Variants in AGBL4 observed in about 807,000 individuals in gnomAD.
AGBL4 encodes the protein AGBL carboxypeptidase 4.
AGBL4 carries 58 observed loss-of-function variants against 66.4 expected under a neutral mutation model. The ratio of observed to expected loss-of-function variants is 0.87; its 90% CI spans 0.71 to 1.09. The LOEUF is 1.09. Ranked by LOEUF, AGBL4 falls within the 50% of genes least tolerant of loss-of-function variation. The pLI, the probability that AGBL4 is intolerant of heterozygous loss-of-function variation, is 0.00. For synonymous variants in AGBL4, 234 were observed against 222.9 expected (o/e 1.05, Z -0.44); for missense variants, 579 against 631.0 (o/e 0.92, Z 0.88).
At chr1:49,082,315 T>C (rs1354789955) in intron 4 of AGBL4, among the ~76,000 whole-genome samples, 1 of 152,152 alleles carries the variant, frequency 6.6e-6, no homozygotes, top group African/African-American at 2.4e-5. Flanking sequence ...TTGGGGCCAA[T>C]GCTGAGTGTA....
intron 4 of AGBL4, among the ~76,000 whole-genome samples, chr1:49,200,122 T>A (rs1477919564): frequency 1.3e-5 from 2 of 152,138 alleles, no homozygotes; most frequent in South Asian, 4.1e-4. Flanking sequence ...GCAGGCAGGG[T>A]GCCTCCTGCA....
chr1:49,973,813 T>A (rs1459731828), intron 1 of AGBL4, among the ~76,000 whole-genome samples: 1 of 151,328 alleles, frequency 6.6e-6, no homozygotes, highest in African/African-American at 2.4e-5. Context: ...GACAAGGATT[T>A]TTTAGTGATA....
At chr1:48,814,444 T>C (rs1322693390) in intron 6 of AGBL4, among the ~76,000 whole-genome samples, 1 of 152,140 alleles carries the variant, frequency 6.6e-6, no homozygotes, top group Non-Finnish European at 1.5e-5. Flanking sequence ...TCACACTTAT[T>C]TCTTTGTGCT....
intron 4 of AGBL4, among the ~76,000 whole-genome samples, chr1:49,106,595 C>A (rs867613216): frequency 1.3e-5 from 2 of 152,086 alleles, no homozygotes; most frequent in African/African-American, 4.8e-5. Flanking sequence ...AATATCTGAC[C>A]TAAGCAAGGA....
intron 6 of AGBL4, among the ~76,000 whole-genome samples, chr1:48,839,648 A>G (rs938325118): frequency 6.6e-6 from 1 of 152,158 alleles, no homozygotes; most frequent in African/African-American, 2.4e-5. Context: ...GTGATGAATT[A>G]GGAGGTTGGT....
chr1:48,921,109 T>A (rs978499139), intron 5 of AGBL4, among the ~76,000 whole-genome samples: 2 of 152,102 alleles, frequency 1.3e-5, no homozygotes, highest in Non-Finnish European at 1.5e-5. Context: ...CAGGCCCGAG[T>A]CATCAATTTA....
Position 48,654,993 on chromosome 1 carries a change from G to A in AGBL4, c.725-1542C>T, listed in dbSNP as rs1022074549. 3.9e-5 allele frequency among the ~76,000 whole-genome samples: 6 copies of A among 152,180 alleles called. No individual in the cohort carries two copies. In the East Asian group the frequency reaches 5.8e-4, roughly 15 times the overall value. On this transcript the variant is annotated intron_variant, in intron 7 of 13. Coordinates refer to ENST00000371839, the MANE Select transcript of AGBL4 (RefSeq NM_032785.4). ...AGTAATTGACCCCAGCTCCCGGGGC[G>A]GCCCTCCATCAAGGAGCCAGCCTGT...
chr1:49,378,440 G>A (rs1644517952), intron 3 of AGBL4, among the ~76,000 whole-genome samples: 1 of 151,988 alleles, frequency 6.6e-6, no homozygotes, highest in African/African-American at 2.4e-5. Context: ...CACTGTTGAG[G>A]AGATTACACT....
At chr1:49,603,965 CACACACACACA>C (rs1558093678) in intron 3 of AGBL4, among the ~76,000 whole-genome samples, 1 of 150,378 alleles carries the variant, frequency 6.6e-6, no homozygotes, top group African/African-American at 2.4e-5. Context: ...CACACACACA[CACACACACACA>C]CACACCACAT....
intron 3 of AGBL4, among the ~76,000 whole-genome samples, chr1:49,585,753 A>G (rs878931891): frequency 1.3e-4 from 20 of 152,232 alleles, no homozygotes; most frequent in Admixed American, 1.3e-4. Flanking sequence ...CATTAATTAG[A>G]TAACTAATAC....
At chr1:49,656,125 C>T (rs1394018513) in intron 3 of AGBL4, among the ~76,000 whole-genome samples, 8 of 149,428 alleles carry the variant, frequency 5.4e-5, no homozygotes, top group East Asian at 2.0e-4. Context: ...CCAGCCTGGG[C>T]GACAGAGTGA....
chr1:49,382,233 A>C (rs1557887868), intron 3 of AGBL4, among the ~76,000 whole-genome samples: 2 of 152,142 alleles, frequency 1.3e-5, no homozygotes, highest in Non-Finnish European at 2.9e-5. Context: ...GAACAAGATA[A>C]GAAATAGAAA....
intron 5 of AGBL4, among the ~76,000 whole-genome samples, chr1:48,889,579 C>CATTACACTGTGTGTCT (rs1553119763): frequency 2.6e-5 from 4 of 152,186 alleles, no homozygotes; most frequent in Non-Finnish European, 5.9e-5. Flanking sequence ...CGGACTGTCT[C>CATTACACTGTGTGTCT]ATTACACTGT....
chr1:49,651,674 T>C (rs1404796630), intron 3 of AGBL4, among the ~76,000 whole-genome samples: 1 of 151,828 alleles, frequency 6.6e-6, no homozygotes, highest in Non-Finnish European at 1.5e-5. Flanking sequence ...CAAGATACAC[T>C]GCAGTCACAT....
At chr1:49,850,132 T>C (rs1297200468) in intron 2 of AGBL4, among the ~76,000 whole-genome samples, 1 of 152,184 alleles carries the variant, frequency 6.6e-6, no homozygotes, top group Non-Finnish European at 1.5e-5. Context: ...CTAGCATCTT[T>C]ATAGAGGTAA....
intron 11 of AGBL4, among the ~76,000 whole-genome samples, chr1:48,539,966 T>C (rs1175039781): frequency 6.6e-6 from 1 of 152,208 alleles, no homozygotes; most frequent in African/African-American, 2.4e-5. Context: ...TGAAGTAATT[T>C]GCCTAAGGTC....
intron 3 of AGBL4, among the ~76,000 whole-genome samples, chr1:49,609,947 T>C (rs1261219442): frequency 6.6e-6 from 1 of 152,228 alleles, no homozygotes; most frequent in Non-Finnish European, 1.5e-5. Flanking sequence ...TTCAGTTGTT[T>C]TTAGTATTTA....
At chr1:48,716,736 C>T (rs1053550153) in intron 6 of AGBL4, among the ~76,000 whole-genome samples, 2 of 152,106 alleles carry the variant, frequency 1.3e-5, no homozygotes, top group Non-Finnish European at 2.9e-5. Context: ...GGGTCAGTCC[C>T]GGGTCAGTGG....
At chr1:49,961,649 T>C (rs1211097158) in intron 1 of AGBL4, among the ~76,000 whole-genome samples, 2 of 152,148 alleles carry the variant, frequency 1.3e-5, no homozygotes, top group African/African-American at 4.8e-5. Context: ...TTGAATAGTT[T>C]AGTAAAGATA....
Sources: allele counts gnomAD v4.1 joint callset (sites outside exome capture counted in the v4.1 genomes callset), GRCh38; gene constraint gnomAD v4.1.1; transcripts MANE v1.5; gene names NCBI Gene and HGNC (gene_info 2026-07-23, HGNC 2026-07-21).